ARMH4: variants seen among roughly 807,000 people sequenced by gnomAD.
The protein encoded by ARMH4 is armadillo-like helical domain-containing protein 4.
A neutral mutation model predicts 61.9 loss-of-function variants in ARMH4; 49 were observed. The observed-to-expected ratio is 0.79, with a 90% CI of 0.63 to 1.00. ARMH4 has a LOEUF of 1.00. Ranked by LOEUF, ARMH4 falls within the 50% of genes least tolerant of loss-of-function variation. The pLI is 0.00. For missense variants in ARMH4, 934 were observed against 930.0 expected (o/e 1.00, Z -0.06); for synonymous variants, 368 against 341.5 (o/e 1.08, Z -0.85).
intron 4 of ARMH4, among the ~76,000 whole-genome samples, chr14:58,097,716 T>A (rs1885804807): frequency 6.6e-6 from 1 of 151,888 alleles, no homozygotes; most frequent in African/African-American, 2.4e-5. Context: ...ATTTATTTAT[T>A]TATTTTTGAG....
intron 1 of ARMH4, among the ~76,000 whole-genome samples, chr14:58,148,532 A>G (rs1380075112): frequency 6.6e-6 from 1 of 152,244 alleles, no homozygotes; most frequent in Non-Finnish European, 1.5e-5. Flanking sequence ...TTTGCATACA[A>G]ACACTAGTCT....
intron 5 of ARMH4, among the ~76,000 whole-genome samples, chr14:58,075,550 C>G (rs1185186435): frequency 1.3e-5 from 2 of 151,464 alleles, no homozygotes; most frequent in African/African-American, 2.4e-5. Context: ...GGGAGTTGAA[C>G]CATGAGAACA....
At chr14:58,058,868 C>G (rs1884434605) in intron 5 of ARMH4, among the ~76,000 whole-genome samples, 1 of 152,076 alleles carries the variant, frequency 6.6e-6, no homozygotes, top group Admixed American at 6.6e-5. Flanking sequence ...TAATAATTGC[C>G]CCAGAATGAA....
At chr14:58,083,157 T>C (rs771284468) in intron 5 of ARMH4, among the ~76,000 whole-genome samples, 66 of 152,348 alleles carry the variant, frequency 4.3e-4, no homozygotes, top group African/African-American at 1.5e-3. Context: ...TTGTTTGTTA[T>C]AGCAACTGGC....
chr14:58,129,758 T>A (rs891345332), intron 4 of ARMH4, among the ~76,000 whole-genome samples: 2 of 152,226 alleles, frequency 1.3e-5, no homozygotes, highest in Admixed American at 6.5e-5. Flanking sequence ...TAATTAAACA[T>A]AAGTTGTACT....
At chr14:58,008,590 G>T (rs775313427) in intron 6 of ARMH4, among the ~76,000 whole-genome samples, 2 of 152,152 alleles carry the variant, frequency 1.3e-5, no homozygotes, top group Non-Finnish European at 2.9e-5. Flanking sequence ...ACTGCCTAAA[G>T]TCTGCAGAAT....
intron 5 of ARMH4, among the ~76,000 whole-genome samples, chr14:58,066,405 G>A (rs1300351136): frequency 6.6e-6 from 1 of 152,126 alleles, no homozygotes; most frequent in African/African-American, 2.4e-5. Context: ...CCAGGGCTGG[G>A]GCAGAGGAGA....
intron 1 of ARMH4, chr14:58,141,526 C>A: frequency 1.9e-6 from 1 of 533,258 alleles, no homozygotes. Context: ...GCCTTCCCTC[C>A]GCCAGCTCGT....
chr14:58,058,085 G>A (rs1351930983), intron 5 of ARMH4, among the ~76,000 whole-genome samples: 1 of 152,162 alleles, frequency 6.6e-6, no homozygotes, highest in Non-Finnish European at 1.5e-5. Flanking sequence ...AGATAGTATA[G>A]TCATCCCCAG....
At chr14:58,111,230 G>A (rs1387924710) in intron 4 of ARMH4, among the ~76,000 whole-genome samples, 2 of 151,934 alleles carry the variant, frequency 1.3e-5, no homozygotes, top group Admixed American at 1.3e-4. Flanking sequence ...ACATAAGAAG[G>A]ATAATATATA....
chr14:58,005,948 G>C (rs1225033623), intron 6 of ARMH4, among the ~76,000 whole-genome samples: 1 of 152,186 alleles, frequency 6.6e-6, no homozygotes, highest in African/African-American at 2.4e-5. Context: ...GGAAGTGGCA[G>C]AGAAGTACAC....
chr14:58,122,309 A>G (rs979105763), intron 4 of ARMH4, among the ~76,000 whole-genome samples: 8 of 152,188 alleles, frequency 5.3e-5, no homozygotes, highest in Non-Finnish European at 1.5e-5. Flanking sequence ...AGAAGGACTA[A>G]GGAAAACTAG....
intron 5 of ARMH4, among the ~76,000 whole-genome samples, chr14:58,085,874 CAA>C (rs1885360927): frequency 6.6e-6 from 1 of 152,026 alleles, no homozygotes; most frequent in African/African-American, 2.4e-5. Context: ...ATTAAAGAAA[CAA>C]AAAGAAAATA....
chr14:58,146,802 C>G (rs1420102017), intron 1 of ARMH4, among the ~76,000 whole-genome samples: 2 of 152,082 alleles, frequency 1.3e-5, no homozygotes, highest in Non-Finnish European at 2.9e-5. Context: ...AGTATGTTAC[C>G]AAAATGAAGA....
chr14:58,056,597 C>G lies in ARMH4; in HGVS notation c.2089+40127G>C, dbSNP rs115035563. On this transcript the variant is annotated intron_variant, in intron 5 of 7. Transcript: ENST00000267485. ...TTGGAGATGAGCAGTCCCAGGTCTTCCTTCATACTAAGGAAACTGAGGTGC... is the reference window on the plus strand; with the variant it reads ...TTGGAGATGAGCAGTCCCAGGTCTTGCTTCATACTAAGGAAACTGAGGTGC... Among the ~76,000 whole-genome samples, 996 of 152,290 alleles carry G rather than the reference C, an allele frequency of 6.5e-3. 10 individuals are homozygous for G. The highest frequency in any genetic ancestry group is 0.019 in the African/African-American group (796 of 41,566).
At chr14:58,121,990 C>T (rs146704791) in intron 4 of ARMH4, among the ~76,000 whole-genome samples, 152 of 152,268 alleles carry the variant, frequency 1.0e-3, no homozygotes, top group African/African-American at 3.4e-3. Flanking sequence ...GGGCATATTC[C>T]ATGGAATACT....
Position 58,138,389 on chromosome 14 carries a change from G to T in ARMH4, c.970C>A (p.Arg324=), listed in dbSNP as rs767779036. The T allele has an allele frequency of 2.5e-6, 4 of 1,614,132 alleles. No homozygotes were observed. In the Admixed American group the frequency reaches 6.7e-5, roughly 27 times the overall value. ...TCTCCAAGCTTGGGGGTCCTTATCC[G>T]GCTTACACTCTCTAATTTGGTGTCA... The part of the protein sequence containing the change: ...WDDTKLESVS[R]IRTPKLGDNE... The change falls in exon 2 of 8, where the codon CGG becomes AGG. Residue 324 remains arginine (R), a synonymous_variant. Coordinates refer to ENST00000267485, the MANE Select transcript of ARMH4 (RefSeq NM_001001872.4).
chr14:58,053,697 T>A (rs1359042465), intron 5 of ARMH4, among the ~76,000 whole-genome samples: 3 of 152,140 alleles, frequency 2.0e-5, no homozygotes, highest in Non-Finnish European at 4.4e-5. Flanking sequence ...CCAACTAAGA[T>A]GCAGTTACCA....
chr14:58,047,383 G>A (rs937385525), intron 5 of ARMH4, among the ~76,000 whole-genome samples: 1 of 152,138 alleles, frequency 6.6e-6, no homozygotes, highest in African/African-American at 2.4e-5. Context: ...TAGTGAATGT[G>A]GATTTTAATG....
Sources: gnomAD v4.1 joint callset for allele counts (sites outside exome capture counted in the v4.1 genomes callset) on GRCh38, gnomAD v4.1.1 for gene constraint, MANE v1.5 for transcripts, NCBI Gene and HGNC (gene_info 2026-07-23, HGNC 2026-07-21) for gene names.